The following ABCA1 variants were observed in gnomAD, a reference collection of about 807,000 sequenced individuals.
The protein encoded by ABCA1 is phospholipid-transporting ATPase ABCA1.
In ABCA1, 133 loss-of-function variants were observed where a neutral mutation model predicts 262.5. The observed-to-expected ratio is 0.51, with a 90% CI of 0.44 to 0.59. The LOEUF (loss-of-function observed/expected upper bound fraction) is 0.59, where lower values mean the gene tolerates loss of function less well. Ranked by LOEUF, ABCA1 falls within the 20% of genes least tolerant of loss-of-function variation. The pLI is 0.00. For missense variants in ABCA1, 2,452 were observed against 2,777.5 expected (o/e 0.88, Z 2.63); for synonymous variants, 1,022 against 1,043.5 (o/e 0.98, Z 0.40).
rs1232637932 is a variant in ABCA1 at position 104,817,570 on chromosome 9, C to A, written c.3463-166G>T. The stretch of plus-strand genomic sequence containing the variant: ...CAGCCGTGGCTTCAGAGGACCCTGT[C>A]TGGCATGTGTGTGCCGTGTGAACAG... On this transcript the variant is annotated intron_variant, in intron 23 of 49. Transcript: ENST00000374736. This position sits in a 1 kb window ranked among gnomAD's most constrained non-coding sequence, Gnocchi z 4.7. 6.6e-6 allele frequency among the ~76,000 whole-genome samples: 1 copy of A among 152,228 alleles called. No homozygotes were observed. Among genetic ancestry groups the A allele is most frequent in the Non-Finnish European group, 1.5e-5 (1 of 68,036 alleles).
chr9:104,803,709 G>A (rs901846685), intron 32 of ABCA1, among the ~76,000 whole-genome samples: 2 of 152,024 alleles, frequency 1.3e-5, no homozygotes, highest in African/African-American at 4.8e-5. Flanking sequence ...CCAGATTCAA[G>A]CAATTCTCCT....
intron 5 of ABCA1, among the ~76,000 whole-genome samples, chr9:104,870,969 G>A (rs1177570542): frequency 6.6e-6 from 1 of 151,984 alleles, no homozygotes; most frequent in Non-Finnish European, 1.5e-5. Context: ...ATGGTGGAAC[G>A]TCATCAGTTA....
chr9:104,855,664 T>C (rs905904142), intron 7 of ABCA1: 3 of 1,475,900 alleles, frequency 2.0e-6, no homozygotes, highest in East Asian at 5.0e-5. Flanking sequence ...GAGTCAAATA[T>C]ATTATGTGTA....
chr9:104,892,723 C>G (rs1453725923), intron 2 of ABCA1, among the ~76,000 whole-genome samples: 1 of 151,748 alleles, frequency 6.6e-6, no homozygotes, highest in Non-Finnish European at 1.5e-5. Flanking sequence ...TTTGGGAAAG[C>G]AATGTTAACA....
rs772597341 is a variant in ABCA1, at chr9:104,827,018, G to A, written c.2267C>T (p.Thr756Met). 8.1e-6 allele frequency: 13 copies of A among 1,614,098 alleles called. No homozygotes were observed. The highest frequency in any genetic ancestry group is 2.2e-5 in the East Asian group (1 of 44,904). Residue 756 changes from threonine (T) to methionine (M), a missense_variant, in exon 16 of 50, where the codon ACG (threonine) becomes ATG (methionine). Physicochemically the swap from Thr to Met is moderately conservative, Grantham distance 81. This residue lies in a region of ABCA1 where 1,032 missense variants were observed against 1,089.7 expected (regional missense o/e 0.95). Coordinates refer to ENST00000374736, the MANE Select transcript of ABCA1 (RefSeq NM_005502.4). ...AAACGGIIYFTLYLPYVLCVA... is the reference protein window; with the variant it reads ...AAACGGIIYFMLYLPYVLCVA... Reference sequence around the variant, plus strand: ...ACACAGGACGTAGGGCAGGTACAGCGTGAAGTAGATGATGCCCCCACAGGC... The same window carrying A: ...ACACAGGACGTAGGGCAGGTACAGCATGAAGTAGATGATGCCCCCACAGGC...
intron 5 of ABCA1, among the ~76,000 whole-genome samples, chr9:104,862,467 T>C (rs1443509090): frequency 6.9e-6 from 1 of 145,824 alleles, no homozygotes; most frequent in Non-Finnish European, 1.5e-5. Context: ...AGTCCGTTCA[T>C]TCCTGTCTCC....
intron 31 of ABCA1, 64 bp downstream of exon 31, chr9:104,806,177 C>T: frequency 1.3e-6 from 2 of 1,525,168 alleles, no homozygotes; most frequent in East Asian, 2.3e-5. Flanking sequence ...TTCCTGCTTC[C>T]AAGCGGAAGC....
chr9:104,814,029 T>A (rs1564116422), intron 27 of ABCA1, 89 bp downstream of exon 27: 10 of 1,372,694 alleles, frequency 7.3e-6, no homozygotes, highest in Non-Finnish European at 1.0e-5. Context: ...TCACCTTGGC[T>A]AAAGGCCATC....
At chr9:104,840,819 C>T (rs540010534) in intron 8 of ABCA1, among the ~76,000 whole-genome samples, 42 of 152,268 alleles carry the variant, frequency 2.8e-4, no homozygotes, top group African/African-American at 9.6e-4. Context: ...TCACAAGATG[C>T]CCAGGTGATT....
chr9:104,919,240 T>C (rs1842004345), intron 1 of ABCA1, among the ~76,000 whole-genome samples: 1 of 152,330 alleles, frequency 6.6e-6, no homozygotes, highest in African/African-American at 2.4e-5. Context: ...CATGCTATTC[T>C]TGAAGGATGA....
At chr9:104,876,193 A>G (rs1564226645) in intron 5 of ABCA1, among the ~76,000 whole-genome samples, 1 of 152,216 alleles carries the variant, frequency 6.6e-6, no homozygotes, top group Non-Finnish European at 1.5e-5. Context: ...ATGCCCCACA[A>G]GTCTAGGAAT....
intron 1 of ABCA1, among the ~76,000 whole-genome samples, chr9:104,904,501 A>C (rs1266349727): frequency 2.0e-5 from 3 of 148,832 alleles, no homozygotes; most frequent in Admixed American, 6.8e-5. Flanking sequence ...TGGCAGGCGG[A>C]GGTGCAGTGA....
chr9:104,876,340 C>A (rs1037412178), intron 5 of ABCA1, among the ~76,000 whole-genome samples: 1 of 152,166 alleles, frequency 6.6e-6, no homozygotes, highest in African/African-American at 2.4e-5. Flanking sequence ...GATGTGAGGA[C>A]GCCCTATCCC....
At position 104,819,525 on chromosome 9, in the gene ABCA1, T is replaced by A. The variant is rs1320884154; in HGVS notation, c.3241+61A>T. 2.5e-6 allele frequency: 4 copies of A among 1,611,216 alleles called. No homozygotes were observed. The African/African-American group carries it at 4.0e-5, about 16-fold the overall frequency. On this transcript the variant is annotated intron_variant, in intron 22 of 49. Coordinates refer to ENST00000374736, the MANE Select transcript of ABCA1 (RefSeq NM_005502.4). The stretch of plus-strand genomic sequence containing the variant: ...GCCTAGCCATGAGATACAGCCACAC[T>A]TCTCAAAAGCCCCCCGCTCTCTCTC...
intron 46 of ABCA1, 127 bp downstream of exon 46, chr9:104,787,793 G>C: frequency 1.3e-6 from 2 of 1,597,794 alleles, no homozygotes; most frequent in Non-Finnish European, 1.7e-6. Context: ...GCTTTTCCAA[G>C]GTTGCTCTGC....
At chr9:104,875,366 A>G (rs1428982880) in intron 5 of ABCA1, among the ~76,000 whole-genome samples, 1 of 151,434 alleles carries the variant, frequency 6.6e-6, no homozygotes, top group African/African-American at 2.4e-5. Flanking sequence ...AAAAAAAAAA[A>G]AAAGAAAGGC....
chr9:104,796,648 C>T (rs1305260894), intron 37 of ABCA1, among the ~76,000 whole-genome samples: 1 of 152,164 alleles, frequency 6.6e-6, no homozygotes, highest in Non-Finnish European at 1.5e-5. Context: ...TTCTGTCTTT[C>T]CAACAGTCAA....
chr9:104,901,500 G>A (rs2118419550), intron 2 of ABCA1, among the ~76,000 whole-genome samples: 1 of 152,232 alleles, frequency 6.6e-6, no homozygotes, highest in South Asian at 2.1e-4. Context: ...TTCCCAGCAA[G>A]TGGGCCCCCT....
intron 5 of ABCA1, among the ~76,000 whole-genome samples, chr9:104,870,447 G>A (rs1215849028): frequency 6.6e-6 from 1 of 152,170 alleles, no homozygotes; most frequent in Non-Finnish European, 1.5e-5. Context: ...TGGAATCAGG[G>A]GTGGAACGAG....
Sources: gnomAD v4.1 joint callset for allele counts (sites outside exome capture counted in the v4.1 genomes callset) on GRCh38, gnomAD v4.1.1 for gene constraint, gnomAD v4.1.1 regional missense constraint, Gnocchi (gnomAD v3.1) non-coding constraint, MANE v1.5 for transcripts, NCBI Gene and HGNC (gene_info 2026-07-23, HGNC 2026-07-21) for gene names.